The following FAM20B variants were observed in gnomAD, a reference collection of about 807,000 sequenced individuals.
FAM20B encodes the protein glycosaminoglycan xylosylkinase.
A neutral mutation model predicts 43.8 loss-of-function variants in FAM20B; 23 were observed. The ratio of observed to expected loss-of-function variants is 0.53; its 90% CI spans 0.38 to 0.74. The LOEUF (loss-of-function observed/expected upper bound fraction) is 0.74. Ranked by LOEUF, FAM20B falls within the 30% of genes least tolerant of loss-of-function variation. The pLI is 0.00. For synonymous variants in FAM20B, 178 were observed against 192.4 expected, an observed-to-expected ratio of 0.93 and a Z score of 0.62; for missense variants, 440 against 510.5, an observed-to-expected ratio of 0.86 and a Z score of 1.33.
intron 4 of FAM20B, among the ~76,000 whole-genome samples, chr1:179,060,682 C>T (rs1476772846): frequency 2.0e-5 from 3 of 152,158 alleles, no homozygotes; most frequent in Admixed American, 1.3e-4. Context: ...GTCCCCAGTA[C>T]CAAAATGGTT....
intron 4 of FAM20B, among the ~76,000 whole-genome samples, chr1:179,059,065 TC>T (rs1202246593): frequency 5.3e-5 from 8 of 152,326 alleles, no homozygotes; most frequent in Middle Eastern, 3.4e-3. Flanking sequence ...TGTAGACTAA[TC>T]ATTTAGGAGC....
chr1:179,036,198 T>G (rs1342051271), intron 1 of FAM20B, among the ~76,000 whole-genome samples: 1 of 152,190 alleles, frequency 6.6e-6, no homozygotes, highest in Non-Finnish European at 1.5e-5. Context: ...GAGCTCAGGT[T>G]GAAACCAGGG....
At chr1:179,050,131 C>A in intron 2 of FAM20B, 148 bp from the exon 3 acceptor site, 2 of 562,790 alleles carry the variant, frequency 3.6e-6, no homozygotes, top group Non-Finnish European at 6.5e-6. Flanking sequence ...ACCGGCAATT[C>A]ATGCTAATCC....
upstream of FAM20B, among the ~76,000 whole-genome samples, chr1:179,025,231 C>T (rs980250413): frequency 3.3e-5 from 5 of 152,198 alleles, no homozygotes; most frequent in Non-Finnish European, 7.3e-5. Flanking sequence ...GACTGACCTG[C>T]CCTCATGGGG....
intron 6 of FAM20B, 55 bp from the exon 7 acceptor site, chr1:179,066,745 C>G (rs1651706794): frequency 2.5e-6 from 3 of 1,209,484 alleles, no homozygotes; most frequent in African/African-American, 3.0e-5. Flanking sequence ...TGCTTTGATG[C>G]TAAGAAGAGA....
intron 1 of FAM20B, among the ~76,000 whole-genome samples, chr1:179,042,333 A>G (rs1252895561): frequency 6.6e-6 from 1 of 152,242 alleles, no homozygotes; most frequent in East Asian, 1.9e-4. Context: ...TCCAAGCATA[A>G]GCACAGCTGC....
chr1:179,040,654 C>T lies in FAM20B; in HGVS notation c.-133-3061C>T, dbSNP rs1441022735. Among the ~76,000 whole-genome samples the T allele has an allele frequency of 1.6e-4, 21 of 128,348 alleles. 2 individuals carry two copies. Among genetic ancestry groups the T allele is most frequent in the East Asian group, 1.4e-3 (6 of 4,138 alleles). 84.2% of individuals were successfully genotyped at this position (128,348 alleles called of 152,430 possible). On this transcript the variant is annotated intron_variant, in intron 1 of 7. Transcript: ENST00000263733. ...TCACCTCCCGGACGGGGCGGCTGGCCGGGCGCTGATCCCCCCACCTCCCTC... is the reference window on the plus strand; with the variant it reads ...TCACCTCCCGGACGGGGCGGCTGGCTGGGCGCTGATCCCCCCACCTCCCTC...
At chr1:179,036,867 C>T (rs375561073) in intron 1 of FAM20B, among the ~76,000 whole-genome samples, 1 of 152,124 alleles carries the variant, frequency 6.6e-6, no homozygotes, top group African/African-American at 2.4e-5. Flanking sequence ...TAGAGATGGC[C>T]TTGGAGATGA....
At chr1:179,020,372 C>T in the FAM20B span, among the ~76,000 whole-genome samples, 2 of 152,186 alleles carry the variant, frequency 1.3e-5, no homozygotes, top group African/African-American at 4.8e-5. Context: ...GTCTGGTCCA[C>T]CAAGGGGCAG....
At chr1:179,019,037 T>C in the FAM20B span, among the ~76,000 whole-genome samples, 27 of 152,372 alleles carry the variant, frequency 1.8e-4, no homozygotes, top group African/African-American at 6.0e-4. Context: ...AACCTTCTTC[T>C]ACATTTTTGT....
intron 4 of FAM20B, among the ~76,000 whole-genome samples, chr1:179,060,921 A>G (rs1358924105): frequency 1.3e-5 from 2 of 152,184 alleles, no homozygotes; most frequent in African/African-American, 4.8e-5. Flanking sequence ...CATATGAAGC[A>G]TCTTTTTGTT....
chr1:179,041,474 C>T (rs2102494740), intron 1 of FAM20B, among the ~76,000 whole-genome samples: 1 of 152,272 alleles, frequency 6.6e-6, no homozygotes, highest in South Asian at 2.1e-4. Context: ...GCCAACACGG[C>T]AAAACCCCGT....
rs553578777 is a variant in FAM20B at position 179,048,134 on chromosome 1, T to G, written c.378-2145T>G. On this transcript the variant is annotated intron_variant, in intron 2 of 7. Coordinates refer to ENST00000263733, the MANE Select transcript of FAM20B (RefSeq NM_014864.4). Reference sequence around the variant, plus strand: ...TATTTCCATTCTAGAAGTAATTGATTTTCACAGGCAAAAACAGCAGTTATG... The same window carrying G: ...TATTTCCATTCTAGAAGTAATTGATGTTCACAGGCAAAAACAGCAGTTATG... Among the ~76,000 whole-genome samples the G allele has an allele frequency of 3.3e-5, 5 of 152,278 alleles. No individual in the cohort carries two copies. In the South Asian group the frequency reaches 1.0e-3, roughly 32 times the overall value.
intron 4 of FAM20B, among the ~76,000 whole-genome samples, chr1:179,060,018 T>A (rs1651393937): frequency 6.6e-6 from 1 of 151,886 alleles, no homozygotes; most frequent in South Asian, 2.1e-4. Flanking sequence ...AATTTTCTCG[T>A]CTGTCTAGTT....
Position 179,062,426 on chromosome 1 carries a change from T to G in FAM20B, c.575-1501T>G, listed in dbSNP as rs570867852. Among the ~76,000 whole-genome samples the G allele has an allele frequency of 4.6e-5, 7 of 151,218 alleles. No individual in the cohort carries two copies. In the South Asian group the frequency reaches 1.5e-3, roughly 32 times the overall value. ...CAGCACTCTGGGAGGCTGAGGTGGG[T>G]GGATCATGAGGTCAGGAGTTCTGAG... On this transcript the variant is annotated intron_variant, in intron 4 of 7. Coordinates refer to ENST00000263733, the MANE Select transcript of FAM20B (RefSeq NM_014864.4).
At chr1:179,057,961 G>GGA (rs1230530049) in intron 4 of FAM20B, among the ~76,000 whole-genome samples, 1 of 152,092 alleles carries the variant, frequency 6.6e-6, no homozygotes, top group East Asian at 1.9e-4. Flanking sequence ...GAATATTTTA[G>GGA]GTTTGTATTT....
chr1:179,028,887 C>T (rs1557864303), intron 1 of FAM20B, among the ~76,000 whole-genome samples: 1 of 152,092 alleles, frequency 6.6e-6, no homozygotes, highest in Admixed American at 6.5e-5. Context: ...TTTAGTTCCT[C>T]TTTTTGTCAA....
At chr1:179,025,217 G>C (rs954131021), upstream of FAM20B, among the ~76,000 whole-genome samples, 4 of 152,186 alleles carry the variant, frequency 2.6e-5, no homozygotes, top group Non-Finnish European at 4.4e-5. Context: ...GGCGACCCAG[G>C]AGCGACTGAC....
chr1:179,023,599 T>G (rs1459818249), upstream of FAM20B, among the ~76,000 whole-genome samples: 1 of 152,224 alleles, frequency 6.6e-6, no homozygotes, highest in Non-Finnish European at 1.5e-5. Flanking sequence ...AATGAATGAA[T>G]GTATGCATCA....
Sources: allele counts gnomAD v4.1 joint callset (sites outside exome capture counted in the v4.1 genomes callset), GRCh38; gene constraint gnomAD v4.1.1; transcripts MANE v1.5; gene names NCBI Gene and HGNC (gene_info 2026-07-23, HGNC 2026-07-21).